The following LRRIQ3 variants were observed in gnomAD, a reference collection of about 807,000 sequenced individuals.
LRRIQ3 encodes the protein leucine-rich repeat and IQ domain-containing protein 3.
Under a neutral mutation model 59.3 loss-of-function variants are expected in LRRIQ3, and 75 were observed. That is an observed-to-expected ratio of 1.26 (90% CI 1.05 to 1.53). The LOEUF (loss-of-function observed/expected upper bound fraction) is 1.53, where lower values mean the gene tolerates loss of function less well. Ranked by LOEUF, LRRIQ3 falls within the 40% of genes most tolerant of loss-of-function variation. The pLI, the probability that LRRIQ3 is intolerant of heterozygous loss-of-function variation, is 0.00. For synonymous variants in LRRIQ3, 250 were observed against 231.3 expected (o/e 1.08, Z -0.73); for missense variants, 831 against 710.0 (o/e 1.17, Z -1.94).
chr1:74,180,675 T>C, intron 3 of LRRIQ3: 1 of 1,533,272 alleles, frequency 6.5e-7, no homozygotes, highest in Admixed American at 2.0e-5. Flanking sequence ...TCATTTGTGA[T>C]GCAATGTTGA....
At chr1:74,042,050 T>A in intron 6 of LRRIQ3, 117 bp from the exon 7 acceptor site, 1 of 1,073,112 alleles carries the variant, frequency 9.3e-7, no homozygotes. Flanking sequence ...CTAAGAAGAA[T>A]TTTTCCCAAG....
At chr1:74,049,157 A>G (rs1168830514) in intron 6 of LRRIQ3, among the ~76,000 whole-genome samples, 1 of 152,206 alleles carries the variant, frequency 6.6e-6, no homozygotes, top group Non-Finnish European at 1.5e-5. Context: ...TTAGCCTGCT[A>G]GGGATACAGA....
chr1:74,052,390 T>C (rs1320933174), intron 6 of LRRIQ3, among the ~76,000 whole-genome samples: 1 of 152,120 alleles, frequency 6.6e-6, no homozygotes, highest in Non-Finnish European at 1.5e-5. Flanking sequence ...AAATTCACGA[T>C]GCCATAGTTT....
rs540645916 is a variant in LRRIQ3, at chr1:74,098,818, G to A, written c.867+10576C>T. Among the ~76,000 whole-genome samples, 7 of 152,158 alleles carry A rather than the reference G, an allele frequency of 4.6e-5. No individual in the cohort carries two copies. The South Asian group carries it at 6.2e-4, about 14-fold the overall frequency. Reference sequence around the variant, plus strand: ...CCTGAATGACTACTGGGTACATAACGAAATGAAGGCAGAAATAAAGATGTT... The same window carrying A: ...CCTGAATGACTACTGGGTACATAACAAAATGAAGGCAGAAATAAAGATGTT... On this transcript the variant is annotated intron_variant, in intron 5 of 7. Transcript: ENST00000354431.
intron 5 of LRRIQ3, among the ~76,000 whole-genome samples, chr1:74,079,574 A>G (rs936467899): frequency 5.3e-5 from 8 of 151,814 alleles, no homozygotes; most frequent in African/African-American, 1.7e-4. Flanking sequence ...TTTGTTTGCT[A>G]ACGTAGGTTA....
At chr1:74,125,078 G>C (rs1263899186) in intron 4 of LRRIQ3, among the ~76,000 whole-genome samples, 1 of 151,520 alleles carries the variant, frequency 6.6e-6, no homozygotes, top group Non-Finnish European at 1.5e-5. Flanking sequence ...TCACTTCTTT[G>C]GTTAAGTTAA....
intron 5 of LRRIQ3, among the ~76,000 whole-genome samples, chr1:74,077,374 A>G (rs752393968): frequency 1.3e-5 from 2 of 151,884 alleles, no homozygotes; most frequent in Non-Finnish European, 2.9e-5. Context: ...TATCCTACCC[A>G]TGATAAAATA....
At chr1:74,138,339 T>TCA (rs1354708955) in intron 4 of LRRIQ3, 1 of 217,076 alleles carries the variant, frequency 4.6e-6, no homozygotes, top group African/African-American at 2.3e-5. Flanking sequence ...TTATCCCAGG[T>TCA]CACAAAAAGT....
intron 4 of LRRIQ3, 151 bp downstream of exon 4, chr1:74,155,582 G>A: frequency 1.9e-6 from 1 of 534,570 alleles, no homozygotes; most frequent in Non-Finnish European, 3.2e-6. Context: ...TATAGAGTCT[G>A]TGGTATTTTT....
In LRRIQ3 at chr1:74,109,528, G is replaced by GT. The variant is rs761276681; in HGVS notation, c.732dup (p.Gln245ThrfsTer7). On this transcript the variant is annotated frameshift_variant, in exon 5 of 8. Coordinates refer to ENST00000354431, the MANE Select transcript of LRRIQ3 (RefSeq NM_001105659.2). LOFTEE classifies it high-confidence loss of function. ...TATCCTCTAATAATTTTTTCCTGCT[G>GT]TTTTTTTTTGTGGAAAAACACAGGG... 0.014 allele frequency: 15,878 copies of GT among 1,142,666 alleles called. 4 individuals carry two copies. Among genetic ancestry groups the GT allele is most frequent in the South Asian group, 0.025 (1,464 of 57,748 alleles). 70.8% of individuals were successfully genotyped at this position (1,142,666 alleles called of 1,614,324 possible).
At chr1:74,160,587 TG>T (rs1217974127) in intron 3 of LRRIQ3, among the ~76,000 whole-genome samples, 1 of 152,084 alleles carries the variant, frequency 6.6e-6, no homozygotes, top group Non-Finnish European at 1.5e-5. Flanking sequence ...ATTACATGAA[TG>T]TCTACATTGT....
chr1:74,096,867 T>C (rs1042437664), intron 5 of LRRIQ3, among the ~76,000 whole-genome samples: 1 of 152,114 alleles, frequency 6.6e-6, no homozygotes, highest in Non-Finnish European at 1.5e-5. Context: ...ACAGCAAATA[T>C]TGCTGAACAG....
intron 4 of LRRIQ3, among the ~76,000 whole-genome samples, chr1:74,121,212 GATATT>G (rs1244511788): frequency 6.6e-6 from 1 of 152,120 alleles, no homozygotes; most frequent in Non-Finnish European, 1.5e-5. Context: ...GGTCTACAGA[GATATT>G]ATACTCACCT....
At chr1:74,140,111 C>A in intron 4 of LRRIQ3, among the ~76,000 whole-genome samples, 1 of 151,320 alleles carries the variant, frequency 6.6e-6, no homozygotes, top group Admixed American at 6.6e-5. Context: ...GTAAATAGTC[C>A]AAATATGATA....
Position 74,182,860 on chromosome 1 carries a change from A to T in LRRIQ3, c.251T>A (p.Ile84Lys), listed in dbSNP as rs746349269. ...LIKLDLHGNQ[I>K]KSLPNTKFWN... ...AAATTTGGTATTTGGTAGACTCTTT[A>T]TCTGAAATATTATTAAAAATCTTTT... The change falls in exon 3 of 8, where the codon ATA becomes AAA. Residue 84 changes from isoleucine to lysine, a missense_variant and splice_region_variant. Ile to Lys is a moderately radical substitution (Grantham distance 102, BLOSUM62 -3). Transcript: ENST00000354431. 2 of 1,416,422 alleles carry T rather than the reference A, an allele frequency of 1.4e-6. No individual in the cohort carries two copies. Among genetic ancestry groups the T allele is most frequent in the Non-Finnish European group, 1.9e-6 (2 of 1,065,534 alleles). The allele number at this position is 1,416,422 out of a possible 1,614,324, so 87.7% of individuals were successfully genotyped here. A position where few individuals can be genotyped will look rare whatever the true frequency, so the allele number is the denominator to read the frequency against.
intron 6 of LRRIQ3, among the ~76,000 whole-genome samples, chr1:74,047,251 AC>A (rs1175163327): frequency 1.2e-4 from 18 of 152,202 alleles, no homozygotes; most frequent in African/African-American, 3.9e-4. Flanking sequence ...ACCACAGAAT[AC>A]TATGCAGCCA....
At chr1:74,187,359 C>T (rs1028395053) in intron 1 of LRRIQ3, among the ~76,000 whole-genome samples, 14 of 145,672 alleles carry the variant, frequency 9.6e-5, no homozygotes, top group African/African-American at 2.4e-4. Flanking sequence ...TGTTTACACA[C>T]ACACACACAC....
At chr1:74,093,032 T>A (rs945700255) in intron 5 of LRRIQ3, among the ~76,000 whole-genome samples, 31 of 151,980 alleles carry the variant, frequency 2.0e-4, no homozygotes, top group African/African-American at 7.5e-4. Context: ...TTATAAACAA[T>A]GTCTAAACAA....
rs1343000738 is a variant in LRRIQ3, at chr1:74,049,925, C to CTT, written c.998-7994_998-7993dup. 5.0e-4 allele frequency among the ~76,000 whole-genome samples: 51 copies of CTT among 102,752 alleles called. 1 individual carries two copies. The highest frequency in any genetic ancestry group is 6.5e-4 in the South Asian group (2 of 3,100). The allele number at this position is 102,752 out of a possible 152,430, so 67.4% of individuals were successfully genotyped here. ...AATGACACCTTTGTGTCTTTTTTTT[C>CTT]TTTTTTTTTTTTTTTTGAGACGGAG... On this transcript the variant is annotated intron_variant, in intron 6 of 7. Coordinates refer to ENST00000354431, the MANE Select transcript of LRRIQ3 (RefSeq NM_001105659.2).
Sources: gnomAD v4.1 joint callset for allele counts (sites outside exome capture counted in the v4.1 genomes callset) on GRCh38, gnomAD v4.1.1 for gene constraint, MANE v1.5 for transcripts, NCBI Gene and HGNC (gene_info 2026-07-23, HGNC 2026-07-21) for gene names.